The following SETX variants were observed in gnomAD, a reference collection of about 807,000 sequenced individuals.
The protein encoded by SETX is senataxin, also known as helicase senataxin.
In SETX, 90 loss-of-function variants were observed where a neutral mutation model predicts 227.2. The observed-to-expected ratio is 0.40, with a 90% CI of 0.33 to 0.47. The LOEUF (loss-of-function observed/expected upper bound fraction) is 0.47, where lower values mean the gene tolerates loss of function less well. SETX is among the 20% of genes least tolerant of loss of function. SETX has a pLI of 0.91. For synonymous variants in SETX, 1,210 were observed against 1,113.2 expected (o/e 1.09, Z -1.73); for missense variants, 3,052 against 3,181.5 (o/e 0.96, Z 0.98).
rs1847103646 is a variant in SETX, at chr9:132,329,761, T to G, written c.1837A>C (p.Lys613Gln). The G allele has an allele frequency of 6.2e-7, 1 of 1,614,164 alleles. No individual in the cohort carries two copies. Among genetic ancestry groups the G allele is most frequent in the Non-Finnish European group, 8.5e-7 (1 of 1,180,030 alleles). ...TTATTATAAGATGCAGGAGAGATTT[T>G]ACATGCAGAAGTCAGATCCACAAAA... ...NTFVDLTSAC[K>Q]ISPASYNKEE... Residue 613 changes from lysine (K) to glutamine (Q), a missense_variant, in exon 10 of 26, where the codon AAA becomes CAA. Physicochemically the swap from Lys to Gln is moderately conservative, Grantham distance 53. Coordinates refer to ENST00000224140, the MANE Select transcript of SETX (RefSeq NM_015046.7).
At chr9:132,279,747 A>G (rs1843390798) in intron 20 of SETX, among the ~76,000 whole-genome samples, 1 of 152,208 alleles carries the variant, frequency 6.6e-6, no homozygotes, top group South Asian at 2.1e-4. Flanking sequence ...GGAAACAGAA[A>G]AGGAAGTTAT....
At chr9:132,307,666 C>T (rs904437646) in intron 11 of SETX, among the ~76,000 whole-genome samples, 1 of 151,386 alleles carries the variant, frequency 6.6e-6, no homozygotes, top group East Asian at 1.9e-4. Context: ...TCACCACTGG[C>T]ACTTACTAGT....
intron 23 of SETX, among the ~76,000 whole-genome samples, chr9:132,273,458 C>A (rs541985001): frequency 6.6e-6 from 1 of 152,206 alleles, no homozygotes; most frequent in Non-Finnish European, 1.5e-5. Context: ...CCACTGCACC[C>A]GGCCTATTTA....
chr9:132,329,688 C>T lies in SETX; in HGVS notation c.1910G>A (p.Cys637Tyr), dbSNP rs758089994. ...MGKTSRKDMH[C>Y]LEASSPTFSK... is the part of the protein sequence containing the mutation. ...AAATGTTGGGCTGGAAGCTTCCAAACAATGCATATCTTTTCTAGACGTCTT... is the reference window on the plus strand; with the variant it reads ...AAATGTTGGGCTGGAAGCTTCCAAATAATGCATATCTTTTCTAGACGTCTT... Residue 637 changes from cysteine (C) to tyrosine (Y), a missense_variant, in exon 10 of 26, where the codon TGT (cysteine) becomes TAT (tyrosine). Cys to Tyr is a radical substitution (Grantham distance 194). Around this residue, in one of 10 missense-constraint regions of SETX, gnomAD observed 1,483 missense variants for 1,312.0 expected, o/e 1.13. Coordinates refer to ENST00000224140, the MANE Select transcript of SETX (RefSeq NM_015046.7). The T allele has an allele frequency of 1.2e-6, 2 of 1,613,980 alleles. No individual in the cohort carries two copies. Among genetic ancestry groups the T allele is most frequent in the Non-Finnish European group, 1.7e-6 (2 of 1,179,984 alleles).
intron 11 of SETX, among the ~76,000 whole-genome samples, chr9:132,302,377 A>T (rs2131313628): frequency 7.2e-6 from 1 of 139,196 alleles, no homozygotes; most frequent in Admixed American, 7.2e-5. Flanking sequence ...AAAAAAAAAA[A>T]GGCCAGGTGT....
chr9:132,346,017 T>G (rs1848264969), intron 4 of SETX, among the ~76,000 whole-genome samples: 1 of 151,794 alleles, frequency 6.6e-6, no homozygotes, highest in Non-Finnish European at 1.5e-5. Flanking sequence ...AGACCCTGTC[T>G]CTAAAAAAAA....
intron 25 of SETX, 80 bp downstream of exon 25, chr9:132,269,535 C>T: frequency 6.2e-7 from 1 of 1,607,930 alleles, no homozygotes; most frequent in Non-Finnish European, 8.5e-7. Context: ...AAATCATTTA[C>T]ACTTTGATGG....
intron 4 of SETX, among the ~76,000 whole-genome samples, chr9:132,345,721 A>G (rs1374223387): frequency 1.3e-5 from 2 of 152,238 alleles, no homozygotes; most frequent in African/African-American, 4.8e-5. Flanking sequence ...AAATTTTCAC[A>G]ATAAAATGTT....
chr9:132,337,669 T>C (rs1240496909), intron 5 of SETX, among the ~76,000 whole-genome samples: 1 of 152,164 alleles, frequency 6.6e-6, no homozygotes, highest in Non-Finnish European at 1.5e-5. Context: ...CCATGAGACC[T>C]TACTGATAAT....
chr9:132,346,143 T>A, intron 4 of SETX, 118 bp downstream of exon 4: 1 of 819,642 alleles, frequency 1.2e-6, no homozygotes, highest in Non-Finnish European at 1.9e-6. Context: ...AATGAAGTCC[T>A]AATTATATAT....
rs370909687 is a variant in SETX at position 132,295,859 on chromosome 9, A to C, written c.6106+13T>G. On this transcript the variant is annotated intron_variant, in intron 15 of 25. Transcript: ENST00000224140. ...AAACAAAAACAAATTTAAAATCCAC[A>C]AAAGTATCATACCTAAAGGATTCTT... 1 of 1,610,540 alleles carries C rather than the reference A, an allele frequency of 6.2e-7. No individual in the cohort carries two copies. Among genetic ancestry groups the C allele is most frequent in the Admixed American group, 1.7e-5 (1 of 59,646 alleles).
rs532581486 is a variant in SETX, at chr9:132,288,493, C to T, written c.6208+57G>A. On this transcript the variant is annotated intron_variant, in intron 16 of 25. Coordinates refer to ENST00000224140, the MANE Select transcript of SETX (RefSeq NM_015046.7). Reference sequence around the variant, plus strand: ...TTCAAATTACCTTTAGTGCCCAAGTCATTTTCCACCAAACAAAACAGAGAA... The same window carrying T: ...TTCAAATTACCTTTAGTGCCCAAGTTATTTTCCACCAAACAAAACAGAGAA... 6 of 1,490,672 alleles carry T rather than the reference C, an allele frequency of 4.0e-6. No individual in the cohort carries two copies. In the South Asian group the frequency reaches 6.8e-5, roughly 17 times the overall value. 92.3% of individuals were successfully genotyped at this position (1,490,672 alleles called of 1,614,324 possible). A position where few individuals can be genotyped will look rare whatever the true frequency, so the allele number is the denominator to read the frequency against.
chr9:132,335,291 T>G (rs1033507241), intron 6 of SETX, among the ~76,000 whole-genome samples: 1 of 142,322 alleles, frequency 7.0e-6, no homozygotes, highest in Non-Finnish European at 1.5e-5. Context: ...CTCGGGAGGC[T>G]GAGGCAGGAG....
At position 132,286,379 on chromosome 9, in the gene SETX, G is replaced by GAAA. The variant is rs201395158; in HGVS notation, c.6396+41_6396+43dup. The GAAA allele has an allele frequency of 8.9e-4, 1,042 of 1,166,832 alleles. 3 individuals carry two copies. The East Asian group carries it at 0.026, about 30-fold the overall frequency. 72.3% of individuals were successfully genotyped at this position (1,166,832 alleles called of 1,614,324 possible). ...AACAGTCATACTTAAATTTTAAAAA[G>GAAA]AAAAAAAAAAAAATCAAGAAAATGC... On this transcript the variant is annotated intron_variant, in intron 18 of 25. Transcript: ENST00000224140.
chr9:132,355,418 T>C (rs1848860875), upstream of SETX, among the ~76,000 whole-genome samples: 1 of 152,244 alleles, frequency 6.6e-6, no homozygotes, highest in East Asian at 1.9e-4. Context: ...CTCTTTAGAT[T>C]TCCTTTAAAG....
intron 10 of SETX, among the ~76,000 whole-genome samples, chr9:132,313,193 C>A (rs1422781344): frequency 3.3e-5 from 5 of 152,042 alleles, no homozygotes; most frequent in South Asian, 2.1e-4. Context: ...CTTAAAAAAA[C>A]CATTCAATTA....
chr9:132,298,638 G>A (rs1844813830), intron 12 of SETX, among the ~76,000 whole-genome samples: 1 of 152,134 alleles, frequency 6.6e-6, no homozygotes, highest in East Asian at 1.9e-4. Context: ...TATTTGAGCA[G>A]AGACTTGAAG....
intron 11 of SETX, among the ~76,000 whole-genome samples, chr9:132,310,956 T>C (rs1432206784): frequency 6.6e-6 from 1 of 152,150 alleles, no homozygotes; most frequent in Non-Finnish European, 1.5e-5. Context: ...CATATAATTG[T>C]AGTTGTTGTT....
intron 20 of SETX, among the ~76,000 whole-genome samples, chr9:132,279,946 T>C (rs531666293): frequency 1.3e-5 from 2 of 152,252 alleles, no homozygotes; most frequent in African/African-American, 4.8e-5. Flanking sequence ...CATAAACATA[T>C]ACATGTATAC....
Sources: allele counts gnomAD v4.1 joint callset (sites outside exome capture counted in the v4.1 genomes callset), GRCh38; gene constraint gnomAD v4.1.1; regional missense constraint gnomAD v4.1.1; transcripts MANE v1.5; gene names NCBI Gene and HGNC (gene_info 2026-07-23, HGNC 2026-07-21).